Variants in CMIP observed in about 807,000 individuals in gnomAD.
CMIP encodes C-Maf-inducing protein.
A neutral mutation model predicts 97.3 loss-of-function variants in CMIP; 13 were observed. That is an observed-to-expected ratio of 0.13 (90% CI 0.09 to 0.21). The LOEUF (loss-of-function observed/expected upper bound fraction) is 0.21, where lower values mean the gene tolerates loss of function less well. CMIP is among the 10% of genes least tolerant of loss of function. CMIP has a pLI of 1.00. For synonymous variants in CMIP, 538 were observed against 436.3 expected (o/e 1.23, Z -2.91); for missense variants, 847 against 1,024.9 (o/e 0.83, Z 2.37).
chr16:81,640,877 A>G (rs951657875), intron 3 of CMIP, among the ~76,000 whole-genome samples: 2 of 151,840 alleles, frequency 1.3e-5, no homozygotes, highest in African/African-American at 4.8e-5. Context: ...CGAAGACCCC[A>G]TTTCCAAAGA....
intron 15 of CMIP, 60 bp from the exon 16 acceptor site, chr16:81,701,600 G>C: frequency 6.2e-7 from 1 of 1,611,364 alleles, no homozygotes; most frequent in Non-Finnish European, 8.5e-7. Context: ...GGGGTGCACA[G>C]AGTGTGCTGA....
chr16:81,500,809 C>T (rs745839557), intron 1 of CMIP, among the ~76,000 whole-genome samples: 3 of 151,992 alleles, frequency 2.0e-5, no homozygotes, highest in Non-Finnish European at 2.9e-5. Flanking sequence ...TTTCCTTTCC[C>T]TCCCTCTCTG....
chr16:81,516,487 C>T (rs1003423383), intron 1 of CMIP, among the ~76,000 whole-genome samples: 8 of 152,240 alleles, frequency 5.3e-5, no homozygotes, highest in Admixed American at 1.3e-4. Context: ...TCCCCACTCC[C>T]TTCCCTGGAC....
chr16:81,470,762 T>G (rs549357269), intron 1 of CMIP, among the ~76,000 whole-genome samples: 1 of 152,332 alleles, frequency 6.6e-6, no homozygotes, highest in African/African-American at 2.4e-5. Context: ...CCAGCCAAAA[T>G]TGGGATTTTG....
intron 1 of CMIP, among the ~76,000 whole-genome samples, chr16:81,512,333 C>G (rs558468269): frequency 1.6e-4 from 25 of 152,172 alleles, no homozygotes; most frequent in Non-Finnish European, 3.5e-4. Context: ...TGGGCAGGTT[C>G]TGGTGCTGGC....
chr16:81,469,157 G>A (rs1907378848), intron 1 of CMIP, among the ~76,000 whole-genome samples: 1 of 152,238 alleles, frequency 6.6e-6, no homozygotes, highest in Non-Finnish European at 1.5e-5. Flanking sequence ...CTTTGACGTT[G>A]GTGGGGAAAC....
At chr16:81,506,432 G>T (rs145294427) in intron 1 of CMIP, among the ~76,000 whole-genome samples, 26 of 152,310 alleles carry the variant, frequency 1.7e-4, no homozygotes, top group African/African-American at 5.5e-4. Flanking sequence ...TACACAGGAA[G>T]ACCTCATTCT....
intron 1 of CMIP, among the ~76,000 whole-genome samples, chr16:81,521,044 T>C (rs1393684858): frequency 6.6e-6 from 1 of 152,226 alleles, no homozygotes; most frequent in Non-Finnish European, 1.5e-5. Context: ...CCTGGAGCTT[T>C]TTGCAGCCTG....
chr16:81,685,913 G>A (rs529510168), intron 10 of CMIP, among the ~76,000 whole-genome samples: 1 of 152,068 alleles, frequency 6.6e-6, no homozygotes, highest in African/African-American at 2.4e-5. Flanking sequence ...GGTGTGAGCC[G>A]GGCCACCCTC....
intron 3 of CMIP, among the ~76,000 whole-genome samples, chr16:81,640,332 C>G (rs1222274553): frequency 6.7e-6 from 1 of 150,100 alleles, no homozygotes; most frequent in African/African-American, 2.5e-5. Flanking sequence ...CAACCAATTC[C>G]AAACCCAGCT....
chr16:81,689,159 T>C (rs1905766627), intron 10 of CMIP, among the ~76,000 whole-genome samples: 1 of 152,240 alleles, frequency 6.6e-6, no homozygotes, highest in Non-Finnish European at 1.5e-5. Flanking sequence ...TTATAATCCT[T>C]TGGGTATATA....
At chr16:81,631,472 A>C (rs1465647540) in intron 3 of CMIP, 1 of 152,258 alleles carries the variant, frequency 6.6e-6, no homozygotes, top group Non-Finnish European at 1.5e-5. Flanking sequence ...AAAGGGTACA[A>C]ATCAAAAAGA....
intron 3 of CMIP, among the ~76,000 whole-genome samples, chr16:81,622,767 C>A (rs2092009835): frequency 6.6e-6 from 1 of 152,214 alleles, no homozygotes; most frequent in Non-Finnish European, 1.5e-5. Flanking sequence ...CAGTGACTTA[C>A]ACGTGCACCT....
intron 1 of CMIP, among the ~76,000 whole-genome samples, chr16:81,492,340 G>T (rs1168660365): frequency 6.6e-6 from 1 of 152,216 alleles, no homozygotes; most frequent in Non-Finnish European, 1.5e-5. Flanking sequence ...AGTGTTCAGT[G>T]TTATTAGTCA....
In CMIP at chr16:81,520,570, G is replaced by GGGAGAGAA. The variant is rs1491233200; in HGVS notation, c.300+75029_300+75030insGGAGAGAA. 5.5e-3 allele frequency: 147 copies of GGGAGAGAA among 26,802 alleles called. 2 individuals carry two copies. Among genetic ancestry groups the GGGAGAGAA allele is most frequent in the African/African-American group, 0.02 (141 of 7,020 alleles). 1.7% of individuals were successfully genotyped at this position (26,802 alleles called of 1,614,324 possible). Reference sequence around the variant, plus strand: ...AGAGAGGGAGGGAGGGAGGAAGGGGGAGAGAGAGAGAGAGAGAGAGAGAGA... The same window carrying GGGAGAGAA: ...AGAGAGGGAGGGAGGGAGGAAGGGGGGGAGAGAAAGAGAGAGAGAGAGAGAGAGAGAGA... On this transcript the variant is annotated intron_variant, in intron 1 of 20. Coordinates refer to ENST00000537098, the MANE Select transcript of CMIP (RefSeq NM_198390.3).
At chr16:81,561,892 C>T (rs1329830676) in intron 1 of CMIP, among the ~76,000 whole-genome samples, 2 of 152,192 alleles carry the variant, frequency 1.3e-5, no homozygotes, top group Non-Finnish European at 2.9e-5. Flanking sequence ...CAGACTTCTT[C>T]TTGGATGATG....
At chr16:81,456,767 C>T (rs1325057389) in intron 1 of CMIP, among the ~76,000 whole-genome samples, 4 of 152,304 alleles carry the variant, frequency 2.6e-5, no homozygotes, top group Admixed American at 2.6e-4. Flanking sequence ...AGCAGAATGT[C>T]AGAAAGGCCC....
chr16:81,616,153 ATTT>A lies in CMIP; in HGVS notation c.427-4706_427-4704del, dbSNP rs11331169. Among the ~76,000 whole-genome samples, 1,189 of 132,644 alleles carry A rather than the reference ATTT, an allele frequency of 9.0e-3. 19 individuals are homozygous for A. Among genetic ancestry groups the A allele is most frequent in the African/African-American group, 0.031 (1,109 of 35,656 alleles). 87.0% of individuals were successfully genotyped at this position (132,644 alleles called of 152,430 possible). A position where few individuals can be genotyped will look rare whatever the true frequency, so the allele number is the denominator to read the frequency against. ...ACATGTCATTAATTCATTCAGCTGT[ATTT>A]TTTTTTTTTTTTTTTTAACACCAGG... On this transcript the variant is annotated intron_variant, in intron 2 of 20. Coordinates refer to ENST00000537098, the MANE Select transcript of CMIP (RefSeq NM_198390.3). This position sits in a 1 kb window ranked among gnomAD's most constrained non-coding sequence, Gnocchi z 4.7.
At chr16:81,640,482 C>T (rs1295822283) in intron 3 of CMIP, among the ~76,000 whole-genome samples, 2 of 152,188 alleles carry the variant, frequency 1.3e-5, no homozygotes, top group South Asian at 2.1e-4. Context: ...TTGCTTGCTC[C>T]TTACAGCTGT....
Sources: allele counts gnomAD v4.1 joint callset (sites outside exome capture counted in the v4.1 genomes callset), GRCh38; gene constraint gnomAD v4.1.1; non-coding constraint Gnocchi (gnomAD v3.1); transcripts MANE v1.5; gene names NCBI Gene and HGNC (gene_info 2026-07-23, HGNC 2026-07-21).